Variants in GGTA1 observed in about 807,000 individuals in gnomAD.
The protein encoded by GGTA1 is glycoprotein alpha-galactosyltransferase 1 (inactive).
GGTA1 carries 5 observed loss-of-function variants against 2.6 expected under a neutral mutation model. The ratio of observed to expected loss-of-function variants is 1.92; its 90% CI spans 1.00 to 4.04. The LOEUF (loss-of-function observed/expected upper bound fraction) is 4.04. Among genes scored for constraint, GGTA1 ranks in the 30% most tolerant of loss-of-function variants. The pLI, the probability that GGTA1 is intolerant of heterozygous loss-of-function variation, is 0.00. For missense variants in GGTA1, 50 were observed against 16.7 expected (o/e 2.99, Z -3.47); for synonymous variants, 17 against 5.0 (o/e 3.38, Z -3.19).
At chr9:121,470,454 TG>T (rs1336810896) in intron 1 of GGTA1, among the ~76,000 whole-genome samples, 1 of 152,218 alleles carries the variant, frequency 6.6e-6, no homozygotes, top group Non-Finnish European at 1.5e-5. Flanking sequence ...CACTCCTAAA[TG>T]GAGATGACAA....
chr9:121,495,522 G>A (rs1828974373), intron 1 of GGTA1, among the ~76,000 whole-genome samples: 1 of 152,132 alleles, frequency 6.6e-6, no homozygotes, highest in Non-Finnish European at 1.5e-5. Context: ...ACTCCAGCCT[G>A]GGCAACAAGA....
rs562735707 is a variant in GGTA1, at chr9:121,475,024, G to A, written c.-9-7093C>T. 9.5e-4 allele frequency among the ~76,000 whole-genome samples: 144 copies of A among 152,290 alleles called. 2 individuals are homozygous for A. Among genetic ancestry groups the A allele is most frequent in the African/African-American group, 3.3e-3 (139 of 41,560 alleles). Reference sequence around the variant, plus strand: ...ACCACAGCAACTCCATCTTGAATGGGAGCTGGGTAAAATAAGGCTGAGACC... The same window carrying A: ...ACCACAGCAACTCCATCTTGAATGGAAGCTGGGTAAAATAAGGCTGAGACC... On this transcript the variant is annotated intron_variant, in intron 1 of 5. Coordinates refer to ENST00000481799, the MANE Select transcript of GGTA1 (RefSeq NM_001382585.1).
At chr9:121,469,063 C>T (rs1828319436) in intron 1 of GGTA1, among the ~76,000 whole-genome samples, 1 of 151,524 alleles carries the variant, frequency 6.6e-6, no homozygotes, top group Admixed American at 6.6e-5. Context: ...CACAGGCAAG[C>T]AAAAAAAATG....
chr9:121,498,865 G>T (rs547672218), intron 1 of GGTA1, among the ~76,000 whole-genome samples: 1 of 151,184 alleles, frequency 6.6e-6, no homozygotes, highest in Admixed American at 6.6e-5. Flanking sequence ...CTCTTTGCGC[G>T]CTGACATTTT....
At chr9:121,458,282 A>G (rs1438215799) in intron 5 of GGTA1, among the ~76,000 whole-genome samples, 1 of 152,034 alleles carries the variant, frequency 6.6e-6, no homozygotes, top group African/African-American at 2.4e-5. Context: ...ATAGACTTAG[A>G]TGCCCTGAGA....
chr9:121,485,857 A>G (rs1828745257), intron 1 of GGTA1, among the ~76,000 whole-genome samples: 1 of 152,174 alleles, frequency 6.6e-6, no homozygotes, highest in Admixed American at 6.5e-5. Flanking sequence ...TCTGTGGAAC[A>G]TGGGGAAGTG....
chr9:121,445,202 T>C (rs1176881448), exon 8 of GGTA1: 1 of 152,200 alleles, frequency 6.6e-6, no homozygotes, highest in Non-Finnish European at 1.5e-5. Flanking sequence ...TTAAAAACCC[T>C]TAAGCTCTGC....
At chr9:121,475,534 G>A (rs949251495) in intron 1 of GGTA1, among the ~76,000 whole-genome samples, 2 of 152,142 alleles carry the variant, frequency 1.3e-5, no homozygotes, top group African/African-American at 4.8e-5. Context: ...TGTAACACAA[G>A]TGTTTGGGGT....
intron 1 of GGTA1, among the ~76,000 whole-genome samples, chr9:121,480,051 C>T (rs1022830019): frequency 1.5e-5 from 2 of 137,704 alleles, no homozygotes; most frequent in African/African-American, 2.6e-5. Context: ...TTCTTTTTTT[C>T]TTTTCTTTTC....
At chr9:121,496,431 C>T (rs547281572) in intron 1 of GGTA1, among the ~76,000 whole-genome samples, 5 of 151,782 alleles carry the variant, frequency 3.3e-5, no homozygotes, top group Non-Finnish European at 4.4e-5. Flanking sequence ...AAAATTCAAT[C>T]GTAAAAAATA....
intron 2 of GGTA1, among the ~76,000 whole-genome samples, chr9:121,464,262 T>TG (rs1277790011): frequency 2.0e-5 from 3 of 152,180 alleles, no homozygotes; most frequent in Non-Finnish European, 4.4e-5. Flanking sequence ...AATAAATATT[T>TG]GTGAATGGAT....
intron 1 of GGTA1, among the ~76,000 whole-genome samples, chr9:121,469,512 A>C (rs532283653): frequency 6.6e-6 from 1 of 152,308 alleles, no homozygotes; most frequent in African/African-American, 2.4e-5. Flanking sequence ...AACTTCATGC[A>C]GAGATGCCTG....
At chr9:121,491,267 T>A (rs879432352) in intron 1 of GGTA1, among the ~76,000 whole-genome samples, 6 of 152,210 alleles carry the variant, frequency 3.9e-5, no homozygotes, top group Non-Finnish European at 7.3e-5. Context: ...ACTTGAGGAC[T>A]CATGGTTTCC....
downstream of GGTA1, among the ~76,000 whole-genome samples, chr9:121,453,656 AT>A (rs1209353497): frequency 6.6e-6 from 1 of 152,188 alleles, no homozygotes; most frequent in African/African-American, 2.4e-5. Context: ...AAGGCAAGTG[AT>A]TGGGGCAAAG....
chr9:121,461,215 G>A (rs972394038), intron 4 of GGTA1, 37 bp downstream of exon 4: 20 of 451,242 alleles, frequency 4.4e-5, no homozygotes, highest in African/African-American at 1.0e-4. Flanking sequence ...AGCACCAGGC[G>A]GGTGGGCAAA....
At chr9:121,465,624 C>T (rs2065000105) in intron 2 of GGTA1, among the ~76,000 whole-genome samples, 1 of 152,166 alleles carries the variant, frequency 6.6e-6, no homozygotes, top group South Asian at 2.1e-4. Context: ...CTCTCCATCA[C>T]GTGTGGATAC....
At chr9:121,489,638 T>C (rs895347131) in intron 1 of GGTA1, among the ~76,000 whole-genome samples, 1 of 152,320 alleles carries the variant, frequency 6.6e-6, no homozygotes, top group Non-Finnish European at 1.5e-5. Context: ...ACTATAGAAA[T>C]TGGCAAAGAC....
chr9:121,477,221 G>T (rs190331396), intron 1 of GGTA1, among the ~76,000 whole-genome samples: 145 of 152,238 alleles, frequency 9.5e-4, no homozygotes, highest in Admixed American at 1.9e-3. Context: ...TAACAAATTG[G>T]GAAGCTAAAA....
At chr9:121,494,258 G>GC (rs1250415429) in intron 1 of GGTA1, among the ~76,000 whole-genome samples, 1 of 152,142 alleles carries the variant, frequency 6.6e-6, no homozygotes, top group Non-Finnish European at 1.5e-5. Flanking sequence ...TGAACAGAAG[G>GC]CAATGGGTCT....
Sources: allele counts gnomAD v4.1 joint callset (sites outside exome capture counted in the v4.1 genomes callset), GRCh38; gene constraint gnomAD v4.1.1; transcripts MANE v1.5; gene names NCBI Gene and HGNC (gene_info 2026-07-23, HGNC 2026-07-21).